PLD6: variants seen among roughly 807,000 people sequenced by gnomAD.
The protein encoded by PLD6 is mitochondrial cardiolipin hydrolase.
PLD6 carries 10 observed loss-of-function variants against 9.7 expected under a neutral mutation model. The ratio of observed to expected loss-of-function variants is 1.03; its 90% CI spans 0.64 to 1.75. PLD6 has a LOEUF of 1.75. Among genes scored for constraint, PLD6 ranks in the 40% most tolerant of loss-of-function variants. The pLI, the probability that PLD6 is intolerant of heterozygous loss-of-function variation, is 0.00. For missense variants in PLD6, 334 were observed against 347.6 expected, an observed-to-expected ratio of 0.96 and a Z score of 0.31; for synonymous variants, 152 against 159.2, an observed-to-expected ratio of 0.96 and a Z score of 0.34.
rs1037645704 is a variant in PLD6, at chr17:17,202,213, T to C, written c.*554A>G. The C allele has an allele frequency of 5.8e-5, 9 of 156,438 alleles. No individual in the cohort carries two copies. Among genetic ancestry groups the C allele is most frequent in the Non-Finnish European group, 1.3e-4 (9 of 70,500 alleles). The allele number at this position is 156,438 out of a possible 1,614,324, so 9.7% of individuals were successfully genotyped here. The stretch of plus-strand genomic sequence containing the variant: ...ACGCTCACGGGGTTGCCCCGAAGGC[T>C]GCTTTTGCCACCCGCACCGCACACT... On this transcript the variant is annotated 3_prime_UTR_variant, in exon 2 of 2. Coordinates refer to ENST00000321560, the MANE Select transcript of PLD6 (RefSeq NM_178836.4).
At position 17,201,444 on chromosome 17, in the gene PLD6, G is replaced by A. The variant is rs2046673215; in HGVS notation, c.*1323C>T. The A allele has an allele frequency of 6.6e-6, 1 of 152,168 alleles. No individual in the cohort carries two copies. The highest frequency in any genetic ancestry group is 2.4e-5 in the African/African-American group (1 of 41,434). The allele number at this position is 152,168 out of a possible 1,614,324, so 9.4% of individuals were successfully genotyped here. ...CACACACATTATAAACAAATAACCT[G>A]GAACATTTCACAGTGTACGACACCT... On this transcript the variant is annotated 3_prime_UTR_variant, in exon 2 of 2. Coordinates refer to ENST00000321560, the MANE Select transcript of PLD6 (RefSeq NM_178836.4).
At chr17:17,203,238 C>T (rs573794391) in intron 1 of PLD6, 140 bp from the exon 2 acceptor site, 45 of 861,480 alleles carry the variant, frequency 5.2e-5, no homozygotes, top group East Asian at 2.1e-4. Context: ...AGAGTGGTGG[C>T]GGCTAAGCTC....
At position 17,201,556 on chromosome 17, in the gene PLD6, C is replaced by G. The variant is rs898085908; in HGVS notation, c.*1211G>C. Reference sequence around the variant, plus strand: ...GGCCTGAAGCTGCTCTCCTCTTCCCCGCTCTCCTCTCCTCCGGTCCCGTGA... The same window carrying G: ...GGCCTGAAGCTGCTCTCCTCTTCCCGGCTCTCCTCTCCTCCGGTCCCGTGA... On this transcript the variant is annotated 3_prime_UTR_variant, in exon 2 of 2. Transcript: ENST00000321560. 5 of 152,376 alleles carry G rather than the reference C, an allele frequency of 3.3e-5. No individual in the cohort carries two copies. Among genetic ancestry groups the G allele is most frequent in the African/African-American group, 1.2e-4 (5 of 41,460 alleles). 9.4% of individuals were successfully genotyped at this position (152,376 alleles called of 1,614,324 possible). A position where few individuals can be genotyped will look rare whatever the true frequency, so the allele number is the denominator to read the frequency against.
At position 17,202,795 on chromosome 17, in the gene PLD6, C is replaced by A. The variant is rs1243575205; in HGVS notation, c.731G>T (p.Cys244Phe). 3 of 1,614,028 alleles carry A rather than the reference C, an allele frequency of 1.9e-6. No individual in the cohort carries two copies. The highest frequency in any genetic ancestry group is 2.5e-6 in the Non-Finnish European group (3 of 1,179,948). The change falls in exon 2 of 2, where the codon TGC (cysteine) becomes TTC (phenylalanine). Residue 244 changes from cysteine (C) to phenylalanine (F), a missense_variant. Coordinates refer to ENST00000321560, the MANE Select transcript of PLD6 (RefSeq NM_178836.4). ...GGTTTGGCTTTCGCTGGAGGTGCCG[C>A]AAGTTCTGTGCCATGAAAGCAATCT... ...GGRLLSWHRT[C>F]GTSSESQT
rs1470309899 is a variant in PLD6, at chr17:17,202,892, T to C, written c.634A>G (p.Thr212Ala). The part of the protein sequence containing the change: ...FERIWEQFNP[T>A]KYTFFPPKKS... ...TTTGGTGGGAAAAAGGTATACTTTGTAGGGTTAAACTGTTCCCAGATGCGC... is the reference window on the plus strand; with the variant it reads ...TTTGGTGGGAAAAAGGTATACTTTGCAGGGTTAAACTGTTCCCAGATGCGC... Residue 212 changes from threonine to alanine, a missense_variant, in exon 2 of 2, where the codon ACA (threonine) becomes GCA (alanine). By Grantham distance (58) the Thr-to-Ala change is moderately conservative. Coordinates refer to ENST00000321560, the MANE Select transcript of PLD6 (RefSeq NM_178836.4). 3 of 1,614,074 alleles carry C rather than the reference T, an allele frequency of 1.9e-6. No individual in the cohort carries two copies. The East Asian group carries it at 6.7e-5, about 36-fold the overall frequency.
At position 17,205,852 on chromosome 17, in the gene PLD6, G is replaced by C; in HGVS notation, c.427+8C>G. On this transcript the variant is annotated splice_region_variant and intron_variant, in intron 1 of 1. Coordinates refer to ENST00000321560, the MANE Select transcript of PLD6 (RefSeq NM_178836.4). Reference sequence around the variant, plus strand: ...CGGCCTTCTCCGCTTGGACCCCGCCGGGCCTACCTGCCTTGCGCAGCAGAC... The same window carrying C: ...CGGCCTTCTCCGCTTGGACCCCGCCCGGCCTACCTGCCTTGCGCAGCAGAC... The C allele has an allele frequency of 6.4e-7, 1 of 1,560,894 alleles. No homozygotes were observed. Among genetic ancestry groups the C allele is most frequent in the Non-Finnish European group, 8.7e-7 (1 of 1,154,020 alleles).
intron 1 of PLD6, 58 bp downstream of exon 1, chr17:17,205,802 G>A (rs1396164834): frequency 1.1e-5 from 17 of 1,527,990 alleles, no homozygotes; most frequent in Non-Finnish European, 1.5e-5. Flanking sequence ...CCACCTTTGC[G>A]CCTAGGACCC....
At chr17:17,205,560 C>T (rs142905588) in intron 1 of PLD6, among the ~76,000 whole-genome samples, 5,770 of 152,308 alleles carry the variant, frequency 0.038, 165 homozygotes, top group Non-Finnish European at 0.049. Flanking sequence ...ATCTGCTCCG[C>T]CTCTAACCCG....
rs187908734 is a variant in PLD6, at chr17:17,206,303, G to T, written c.-17C>A. 1.3e-6 allele frequency: 2 copies of T among 1,515,608 alleles called. No individual in the cohort carries two copies. Among genetic ancestry groups the T allele is most frequent in the African/African-American group, 1.4e-5 (1 of 69,470 alleles). The allele number at this position is 1,515,608 out of a possible 1,614,324, so 93.9% of individuals were successfully genotyped here. ...CCGTCCCATGCCGCCGCTAATCCGGGACCCACAGCCACGCCGCCGCAGCGG... is the reference window on the plus strand; with the variant it reads ...CCGTCCCATGCCGCCGCTAATCCGGTACCCACAGCCACGCCGCCGCAGCGG... On this transcript the variant is annotated 5_prime_UTR_variant, in exon 1 of 2. Coordinates refer to ENST00000321560, the MANE Select transcript of PLD6 (RefSeq NM_178836.4).
chr17:17,206,098 G>A lies in PLD6; in HGVS notation c.189C>T (p.Ala63=). 1 of 1,480,422 alleles carries A rather than the reference G, an allele frequency of 6.8e-7. No individual in the cohort carries two copies. Among genetic ancestry groups the A allele is most frequent in the Non-Finnish European group, 8.9e-7 (1 of 1,125,106 alleles). 91.7% of individuals were successfully genotyped at this position (1,480,422 alleles called of 1,614,324 possible). A position where few individuals can be genotyped will look rare whatever the true frequency, so the allele number is the denominator to read the frequency against. The change falls in exon 1 of 2, where the codon GCC becomes GCT. Residue 63 remains alanine, a synonymous_variant. Transcript: ENST00000321560. The stretch of plus-strand genomic sequence containing the variant: ...CGCACGGGCAGCCCTCGGGGAGCTC[G>A]GCCAGCTCCGCGCCCGGAGCCCGCA... ...ALLRAPGAEL[A]ELPEGCPCGL...
At chr17:17,204,571 G>A (rs1485171514) in intron 1 of PLD6, 3 of 152,266 alleles carry the variant, frequency 2.0e-5, no homozygotes, top group Non-Finnish European at 2.9e-5. Flanking sequence ...GGACAGCCTC[G>A]AAGTCAGCGA....
chr17:17,205,735 G>A lies in PLD6; in HGVS notation c.427+125C>T, dbSNP rs545420821. 1.7e-4 allele frequency: 198 copies of A among 1,153,722 alleles called. 1 individual carries two copies. In the Middle Eastern group the frequency reaches 2.9e-3, roughly 17 times the overall value. The allele number at this position is 1,153,722 out of a possible 1,614,324, so 71.5% of individuals were successfully genotyped here. On this transcript the variant is annotated intron_variant, in intron 1 of 1. Coordinates refer to ENST00000321560, the MANE Select transcript of PLD6 (RefSeq NM_178836.4). ...CGTTACACCACCCCGACCCCACAAGGCCACGAGGAAAGTAAATGAGGCCTC... is the reference window on the plus strand; with the variant it reads ...CGTTACACCACCCCGACCCCACAAGACCACGAGGAAAGTAAATGAGGCCTC...
intron 1 of PLD6, 143 bp downstream of exon 1, chr17:17,205,717 C>T (rs1597563769): frequency 9.9e-7 from 1 of 1,007,036 alleles, no homozygotes; most frequent in South Asian, 1.6e-5. Flanking sequence ...CCGCGTTACA[C>T]CACCCCGACC....
chr17:17,205,806 A>G (rs2144783222), intron 1 of PLD6, 54 bp downstream of exon 1: 1 of 1,533,462 alleles, frequency 6.5e-7, no homozygotes, highest in Middle Eastern at 1.7e-4. Context: ...CTTTGCGCCT[A>G]GGACCCCGCG....
At chr17:17,204,612 C>T (rs1436438447) in intron 1 of PLD6, among the ~76,000 whole-genome samples, 3 of 152,144 alleles carry the variant, frequency 2.0e-5, no homozygotes, top group Non-Finnish European at 2.9e-5. Flanking sequence ...AGAGGGGATC[C>T]GATGGGACCT....
chr17:17,205,693 G>T (rs537233359), intron 1 of PLD6, among the ~76,000 whole-genome samples, 167 bp downstream of exon 1: 1 of 152,216 alleles, frequency 6.6e-6, no homozygotes, highest in Non-Finnish European at 1.5e-5. Context: ...CCTTCTGTGG[G>T]GGCTCTGCTT....
Position 17,206,101 on chromosome 17 carries a change from C to A in PLD6, c.186G>T (p.Leu62=), listed in dbSNP as rs1484437924. 55 of 1,479,584 alleles carry A rather than the reference C, an allele frequency of 3.7e-5. No homozygotes were observed. Among genetic ancestry groups the A allele is most frequent in the Non-Finnish European group, 4.5e-5 (51 of 1,124,816 alleles). The allele number at this position is 1,479,584 out of a possible 1,614,324, so 91.7% of individuals were successfully genotyped here. A position where few individuals can be genotyped will look rare whatever the true frequency, so the allele number is the denominator to read the frequency against. The change falls in exon 1 of 2, where the codon CTG becomes CTT. Residue 62 remains leucine, a synonymous_variant. Coordinates refer to ENST00000321560, the MANE Select transcript of PLD6 (RefSeq NM_178836.4). ...EALLRAPGAE[L]AELPEGCPCG... ...ACGGGCAGCCCTCGGGGAGCTCGGC[C>A]AGCTCCGCGCCCGGAGCCCGCAGCA...
rs75836479 is a variant in PLD6, at chr17:17,202,599, C to T, written c.*168G>A. On this transcript the variant is annotated 3_prime_UTR_variant, in exon 2 of 2. Coordinates refer to ENST00000321560, the MANE Select transcript of PLD6 (RefSeq NM_178836.4). ...AAAGGAGCAAGAAAAAGGTCTGGCC[C>T]GAAATAACTGACCCGAAGTAACAGA... 6,615 of 708,246 alleles carry T rather than the reference C, an allele frequency of 9.3e-3. 203 individuals carry two copies. The highest frequency in any genetic ancestry group is 0.078 in the African/African-American group (4,378 of 55,784). The allele number at this position is 708,246 out of a possible 1,614,324, so 43.9% of individuals were successfully genotyped here.
chr17:17,202,670 A>G lies in PLD6; in HGVS notation c.*97T>C. The G allele has an allele frequency of 8.5e-7, 1 of 1,172,822 alleles. No individual in the cohort carries two copies. The highest frequency in any genetic ancestry group is 1.5e-5 in the South Asian group (1 of 66,148). The allele number at this position is 1,172,822 out of a possible 1,614,324, so 72.7% of individuals were successfully genotyped here. A position where few individuals can be genotyped will look rare whatever the true frequency, so the allele number is the denominator to read the frequency against. ...CTTTAGTTCAATTTAGTATTCTAAT[A>G]GACGAGACTTTAGTTTAACGATTTT... On this transcript the variant is annotated 3_prime_UTR_variant, in exon 2 of 2. Transcript: ENST00000321560.
Sources: allele counts gnomAD v4.1 joint callset (sites outside exome capture counted in the v4.1 genomes callset), GRCh38; gene constraint gnomAD v4.1.1; transcripts MANE v1.5; gene names NCBI Gene and HGNC (gene_info 2026-07-23, HGNC 2026-07-21).